Variants in S100Z observed in about 807,000 individuals in gnomAD.
S100Z encodes protein S100-Z.
In S100Z, 11 loss-of-function variants were observed where a neutral mutation model predicts 8.5. The observed-to-expected ratio is 1.30, with a 90% CI of 0.82 to 2.15. The LOEUF is 2.15. Ranked by LOEUF, S100Z falls within the 30% of genes most tolerant of loss-of-function variation. The pLI, the probability that S100Z is intolerant of heterozygous loss-of-function variation, is 0.00. For synonymous variants in S100Z, 34 were observed against 43.8 expected, an observed-to-expected ratio of 0.78 and a Z score of 0.89; for missense variants, 126 against 117.9, an observed-to-expected ratio of 1.07 and a Z score of -0.32.
intron 4 of S100Z, among the ~76,000 whole-genome samples, chr5:76,918,693 C>T (rs1687021063): frequency 6.6e-6 from 1 of 152,216 alleles, no homozygotes; most frequent in African/African-American, 2.4e-5. Context: ...GTTGACACAT[C>T]ATTATTACCC....
At chr5:76,933,616 TCTCA>T in the S100Z span, among the ~76,000 whole-genome samples, 1 of 152,184 alleles carries the variant, frequency 6.6e-6, no homozygotes, top group African/African-American at 2.4e-5. Context: ...TCATATACTA[TCTCA>T]CTCAATATTC....
chr5:76,864,244 A>G (rs1751179763), intron 1 of S100Z, among the ~76,000 whole-genome samples: 1 of 152,182 alleles, frequency 6.6e-6, no homozygotes, highest in Non-Finnish European at 1.5e-5. Flanking sequence ...CTGTCATAAC[A>G]CAACACAATA....
chr5:76,851,801 GATATT>G (rs1750735260), intron 1 of S100Z, among the ~76,000 whole-genome samples: 2 of 152,172 alleles, frequency 1.3e-5, no homozygotes, highest in South Asian at 4.1e-4. Context: ...AGTAGAGTAA[GATATT>G]ATAAATTAAG....
At chr5:76,912,836 G>C (rs1184941235) in intron 4 of S100Z, among the ~76,000 whole-genome samples, 1 of 151,874 alleles carries the variant, frequency 6.6e-6, no homozygotes, top group Non-Finnish European at 1.5e-5. Flanking sequence ...GAGAGAAAGA[G>C]ACAGAAAGAG....
chr5:76,948,387 C>T, the S100Z span, among the ~76,000 whole-genome samples: 1 of 151,794 alleles, frequency 6.6e-6, no homozygotes, highest in Non-Finnish European at 1.5e-5. Flanking sequence ...CAACAGGGTG[C>T]AAAGGTAACC....
chr5:76,890,504 T>C (rs1325533408), intron 4 of S100Z, among the ~76,000 whole-genome samples: 1 of 152,178 alleles, frequency 6.6e-6, no homozygotes, highest in African/African-American at 2.4e-5. Context: ...CAACAGGATC[T>C]GCTGATGTGG....
chr5:76,919,298 T>C (rs1266334756), intron 4 of S100Z, among the ~76,000 whole-genome samples: 2 of 152,206 alleles, frequency 1.3e-5, no homozygotes, highest in Non-Finnish European at 2.9e-5. Flanking sequence ...CCATTTTGCA[T>C]TGCCACCAGC....
intron 4 of S100Z, among the ~76,000 whole-genome samples, chr5:76,919,960 G>A (rs996667048): frequency 1.4e-5 from 2 of 147,944 alleles, no homozygotes; most frequent in African/African-American, 5.0e-5. Flanking sequence ...CCAGGCTGGA[G>A]TGCAGTGGTC....
the S100Z span, among the ~76,000 whole-genome samples, chr5:76,937,172 T>A: frequency 6.6e-6 from 1 of 152,204 alleles, no homozygotes; most frequent in African/African-American, 2.4e-5. Flanking sequence ...GCTAAATTTA[T>A]GCTTGCCCCT....
chr5:76,901,028 T>C (rs940531721), intron 4 of S100Z, among the ~76,000 whole-genome samples: 2 of 152,242 alleles, frequency 1.3e-5, no homozygotes, highest in African/African-American at 2.4e-5. Context: ...TTCTCTGGAT[T>C]ACCAGACAGA....
At chr5:76,921,680 T>C (rs1745039538), downstream of S100Z, 1 of 152,122 alleles carries the variant, frequency 6.6e-6, no homozygotes, top group South Asian at 2.1e-4. Context: ...GCTTCATCTA[T>C]CTCTTTCCTT....
At chr5:76,905,103 C>T (rs944438906) in intron 4 of S100Z, among the ~76,000 whole-genome samples, 6 of 152,084 alleles carry the variant, frequency 3.9e-5, no homozygotes, top group African/African-American at 1.4e-4. Context: ...GCTACACATC[C>T]TACAATGCAC....
intron 3 of S100Z, among the ~76,000 whole-genome samples, chr5:76,876,928 C>T (rs747325387): frequency 6.6e-6 from 1 of 152,082 alleles, no homozygotes. Flanking sequence ...TTCCAACCTT[C>T]GTGAACCTTG....
chr5:76,952,194 T>G, the S100Z span, among the ~76,000 whole-genome samples: 1 of 152,184 alleles, frequency 6.6e-6, no homozygotes, highest in East Asian at 1.9e-4. Context: ...TGGTGAGCAG[T>G]TACAATAAAG....
intron 1 of S100Z, among the ~76,000 whole-genome samples, chr5:76,865,462 G>C (rs1443683913): frequency 6.6e-6 from 1 of 150,852 alleles, no homozygotes; most frequent in African/African-American, 2.4e-5. Flanking sequence ...GGTCAGGCTG[G>C]TCTCAAACTC....
At chr5:76,864,140 T>C (rs1249677230) in intron 1 of S100Z, among the ~76,000 whole-genome samples, 1 of 152,182 alleles carries the variant, frequency 6.6e-6, no homozygotes, top group Non-Finnish European at 1.5e-5. Context: ...GACATTTTGC[T>C]CAATGATGGA....
At chr5:76,909,535 G>A (rs1744575744) in intron 4 of S100Z, among the ~76,000 whole-genome samples, 1 of 152,092 alleles carries the variant, frequency 6.6e-6, no homozygotes, top group Non-Finnish European at 1.5e-5. Flanking sequence ...CATCCTACAG[G>A]AGGACCTCTC....
intron 4 of S100Z, among the ~76,000 whole-genome samples, chr5:76,907,485 A>G (rs183135216): frequency 8.7e-4 from 132 of 152,096 alleles, no homozygotes; most frequent in Non-Finnish European, 1.5e-3. Context: ...TTGTATTTTT[A>G]GTAGAGATGT....
At chr5:76,922,810 A>G (rs1450717050), downstream of S100Z, among the ~76,000 whole-genome samples, 1 of 152,188 alleles carries the variant, frequency 6.6e-6, no homozygotes, top group Non-Finnish European at 1.5e-5. Flanking sequence ...GGCATGAGCC[A>G]CCATGCCTAG....
Sources: gnomAD v4.1 joint callset for allele counts (sites outside exome capture counted in the v4.1 genomes callset) on GRCh38, gnomAD v4.1.1 for gene constraint, MANE v1.5 for transcripts, NCBI Gene and HGNC (gene_info 2026-07-23, HGNC 2026-07-21) for gene names.